The following RFC3 variants were observed in gnomAD, a reference collection of about 807,000 sequenced individuals.
RFC3 encodes the protein A1 38 kDa subunit.
Under a neutral mutation model 45.1 loss-of-function variants are expected in RFC3, and 41 were observed. The ratio of observed to expected loss-of-function variants is 0.91; its 90% CI spans 0.71 to 1.18. The LOEUF is 1.18. Ranked by LOEUF, RFC3 falls within the 50% of genes most tolerant of loss-of-function variation. The pLI is 0.00. For synonymous variants in RFC3, 149 were observed against 144.0 expected, an observed-to-expected ratio of 1.03 and a Z score of -0.25; for missense variants, 423 against 428.1, an observed-to-expected ratio of 0.99 and a Z score of 0.10.
intron 8 of RFC3, among the ~76,000 whole-genome samples, chr13:33,844,583 G>C (rs138505520): frequency 6.6e-6 from 1 of 151,944 alleles, no homozygotes; most frequent in Non-Finnish European, 1.5e-5. Context: ...TATCAGGTTT[G>C]CAAATAATAT....
At chr13:33,875,209 G>A (rs187118027) in intron 8 of RFC3, among the ~76,000 whole-genome samples, 1 of 152,316 alleles carries the variant, frequency 6.6e-6, no homozygotes, top group Non-Finnish European at 1.5e-5. Flanking sequence ...TCATAGAGAA[G>A]GCAGATGTTT....
At chr13:33,820,445 C>A (rs945317278) in intron 1 of RFC3, among the ~76,000 whole-genome samples, 3 of 152,212 alleles carry the variant, frequency 2.0e-5, no homozygotes. Flanking sequence ...AGCTTCCCCA[C>A]CCTTTGGGTG....
chr13:33,965,660 G>A (rs1475646099), intron 8 of RFC3, among the ~76,000 whole-genome samples: 2 of 152,184 alleles, frequency 1.3e-5, no homozygotes, highest in African/African-American at 4.8e-5. Context: ...AAGGAAAGGG[G>A]TTTGCCTGAA....
chr13:33,911,891 C>T (rs1001877938), intron 8 of RFC3, among the ~76,000 whole-genome samples: 1 of 152,044 alleles, frequency 6.6e-6, no homozygotes, highest in African/African-American at 2.4e-5. Context: ...TTGGTGCGGA[C>T]GAACAAACCA....
intron 8 of RFC3, chr13:33,849,684 C>G (rs1196842198): frequency 6.6e-6 from 1 of 152,142 alleles, no homozygotes; most frequent in Non-Finnish European, 1.5e-5. Flanking sequence ...TGAGACCAGC[C>G]TGGCCAACGT....
chr13:33,873,299 A>T (rs1360336926), intron 8 of RFC3, among the ~76,000 whole-genome samples: 2 of 152,216 alleles, frequency 1.3e-5, no homozygotes, highest in Non-Finnish European at 2.9e-5. Context: ...ATGAAATTCA[A>T]CAACTGTGTG....
intron 8 of RFC3, among the ~76,000 whole-genome samples, chr13:33,876,597 A>G (rs2082448618): frequency 1.3e-5 from 2 of 152,252 alleles, no homozygotes; most frequent in African/African-American, 2.4e-5. Flanking sequence ...AAATTAATAT[A>G]ATCACTTAGA....
intron 8 of RFC3, among the ~76,000 whole-genome samples, chr13:33,873,546 C>T (rs912991232): frequency 1.3e-5 from 2 of 152,126 alleles, no homozygotes; most frequent in South Asian, 4.1e-4. Context: ...ATCTTTAAAA[C>T]GTTTTAGGGT....
chr13:33,967,807 TG>T (rs11301189), downstream of RFC3, among the ~76,000 whole-genome samples: 144,972 of 152,200 alleles, frequency 0.95, 69,410 homozygotes, highest in East Asian at 1. Flanking sequence ...TTCTTAAACT[TG>T]GTTTAAACAA....
rs748977817 is a variant in RFC3 at position 33,825,901 on chromosome 13, G to T, written c.391+15G>T. The T allele has an allele frequency of 6.5e-7, 1 of 1,540,182 alleles. No homozygotes were observed. Among genetic ancestry groups the T allele is most frequent in the South Asian group, 1.2e-5 (1 of 85,500 alleles). ...GGATTTTAAAGGTAGGTGATCAAAA[G>T]ACTTCTTTTTATGAAGCTGCCAAGC... is the stretch of plus-strand genomic sequence containing the variant. On this transcript the variant is annotated intron_variant, in intron 4 of 8. Transcript: ENST00000380071.
intron 8 of RFC3, among the ~76,000 whole-genome samples, chr13:33,888,222 C>T (rs2082539323): frequency 6.6e-6 from 1 of 152,152 alleles, no homozygotes; most frequent in Admixed American, 6.6e-5. Context: ...CAAAGAGTTT[C>T]TTCCACTGGC....
chr13:33,867,461 A>G (rs1199252528), intron 8 of RFC3, among the ~76,000 whole-genome samples: 2 of 152,210 alleles, frequency 1.3e-5, no homozygotes, highest in Admixed American at 1.3e-4. Flanking sequence ...TTGGAAAGTA[A>G]ACTTAATCAT....
rs553900281 is a variant in RFC3, at chr13:33,832,589, G to A, written c.809+1235G>A. Among the ~76,000 whole-genome samples, 45 of 152,198 alleles carry A rather than the reference G, an allele frequency of 3.0e-4. 1 individual carries two copies. In the South Asian group the frequency reaches 8.9e-3, roughly 30 times the overall value. On this transcript the variant is annotated intron_variant, in intron 7 of 8. Transcript: ENST00000380071. The stretch of plus-strand genomic sequence containing the variant: ...TTCAATTATTTTAGTTGAAGAAATC[G>A]ATAGTTTTCTCCAAGAAGTACCAAA...
At chr13:33,827,521 A>C (rs1246993638) in intron 4 of RFC3, among the ~76,000 whole-genome samples, 1 of 152,194 alleles carries the variant, frequency 6.6e-6, no homozygotes, top group Non-Finnish European at 1.5e-5. Flanking sequence ...ATTTAGTTGA[A>C]ATTTAAAATT....
intron 8 of RFC3, among the ~76,000 whole-genome samples, chr13:33,854,418 G>A (rs2082296261): frequency 6.6e-6 from 1 of 152,208 alleles, no homozygotes; most frequent in Non-Finnish European, 1.5e-5. Context: ...AAGTAGCCTT[G>A]AAAGGGGTTG....
chr13:33,898,487 T>G (rs575132712), intron 8 of RFC3, among the ~76,000 whole-genome samples: 1 of 151,748 alleles, frequency 6.6e-6, no homozygotes. Flanking sequence ...CATACCAAAA[T>G]CTATGGGATA....
At chr13:33,948,787 A>G (rs2082970438) in intron 8 of RFC3, among the ~76,000 whole-genome samples, 1 of 152,354 alleles carries the variant, frequency 6.6e-6, no homozygotes, top group African/African-American at 2.4e-5. Flanking sequence ...TTGGACTTGC[A>G]TGGGGTCTGT....
At chr13:33,823,844 CCAATGAAAATA>C (rs1212761730) in intron 2 of RFC3, 62 bp from the exon 3 acceptor site, 1 of 747,010 alleles carries the variant, frequency 1.3e-6, no homozygotes, top group Non-Finnish European at 2.2e-6. Flanking sequence ...AAAAGGAAAA[CCAATGAAAATA>C]CAAAAGAGTG....
chr13:33,892,165 G>GAAATAC (rs1444234887), intron 8 of RFC3, among the ~76,000 whole-genome samples: 13 of 152,116 alleles, frequency 8.5e-5, no homozygotes, highest in African/African-American at 3.1e-4. Flanking sequence ...AGAGATAGCT[G>GAAATAC]AGACATCTGA....
Sources: allele counts gnomAD v4.1 joint callset (sites outside exome capture counted in the v4.1 genomes callset), GRCh38; gene constraint gnomAD v4.1.1; transcripts MANE v1.5; gene names NCBI Gene and HGNC (gene_info 2026-07-23, HGNC 2026-07-21).